Variants in RALGPS1 observed in about 807,000 individuals in gnomAD.
The protein encoded by RALGPS1 is ras-specific guanine nucleotide-releasing factor RalGPS1.
RALGPS1 carries 19 observed loss-of-function variants against 78.8 expected under a neutral mutation model. That is an observed-to-expected ratio of 0.24 (90% CI 0.17 to 0.35). RALGPS1 has a LOEUF of 0.35. Among genes scored for constraint, RALGPS1 ranks in the 10% least tolerant of loss-of-function variants. RALGPS1 has a pLI of 1.00. For synonymous variants in RALGPS1, 228 were observed against 256.3 expected, an observed-to-expected ratio of 0.89 and a Z score of 1.06; for missense variants, 454 against 688.3, an observed-to-expected ratio of 0.66 and a Z score of 3.81.
At chr9:127,165,462 A>G (rs568287418) in intron 8 of RALGPS1, among the ~76,000 whole-genome samples, 13 of 152,332 alleles carry the variant, frequency 8.5e-5, no homozygotes, top group African/African-American at 2.6e-4. Flanking sequence ...TGCAGACTAC[A>G]TGTTACTATT....
At chr9:127,119,493 C>G (rs1229451479) in intron 8 of RALGPS1, among the ~76,000 whole-genome samples, 1 of 152,194 alleles carries the variant, frequency 6.6e-6, no homozygotes, top group Non-Finnish European at 1.5e-5. Context: ...GTTCCAGTCC[C>G]ACATAATCAC....
chr9:126,971,654 C>T (rs1020808309), intron 3 of RALGPS1, among the ~76,000 whole-genome samples: 2 of 152,134 alleles, frequency 1.3e-5, no homozygotes, highest in African/African-American at 4.8e-5. Context: ...CTGAGCCCTT[C>T]CTGAGGAATC....
intron 5 of RALGPS1, among the ~76,000 whole-genome samples, chr9:127,049,000 C>T (rs968916797): frequency 2.6e-5 from 4 of 152,190 alleles, no homozygotes; most frequent in African/African-American, 7.2e-5. Context: ...ATTTCAATAA[C>T]GAGAATACAT....
chr9:127,104,279 C>T (rs956717882), intron 8 of RALGPS1, among the ~76,000 whole-genome samples: 6 of 152,218 alleles, frequency 3.9e-5, no homozygotes, highest in African/African-American at 1.4e-4. Context: ...GTCCTTTCCT[C>T]CCTGATCAGT....
intron 4 of RALGPS1, among the ~76,000 whole-genome samples, chr9:127,026,213 A>G (rs774484401): frequency 4.6e-5 from 7 of 152,206 alleles, no homozygotes; most frequent in Non-Finnish European, 7.3e-5. Flanking sequence ...AGCATCCAGC[A>G]TGGGAGAAAG....
intron 1 of RALGPS1, among the ~76,000 whole-genome samples, chr9:126,941,170 G>GT (rs1554759085): frequency 1.3e-5 from 2 of 151,934 alleles, no homozygotes; most frequent in Admixed American, 1.3e-4. Context: ...TAGTTGTGGG[G>GT]GGGGGTTGTT....
intron 17 of RALGPS1, among the ~76,000 whole-genome samples, chr9:127,214,338 T>TA (rs2062453450): frequency 6.6e-6 from 1 of 152,252 alleles, no homozygotes; most frequent in South Asian, 2.1e-4. Flanking sequence ...AAATGTCACT[T>TA]ATGCTCATCT....
chr9:127,114,841 G>A (rs994519903), intron 8 of RALGPS1, among the ~76,000 whole-genome samples: 1 of 152,228 alleles, frequency 6.6e-6, no homozygotes, highest in African/African-American at 2.4e-5. Context: ...GAGTGAGTCT[G>A]GTGGACCTGA....
chr9:127,108,304 T>C, intron 8 of RALGPS1: 1 of 1,613,886 alleles, frequency 6.2e-7, no homozygotes, highest in Non-Finnish European at 8.5e-7. Context: ...GATGATCTCG[T>C]GCAGGAGCTG....
At chr9:126,995,411 A>G (rs1247971153) in intron 4 of RALGPS1, among the ~76,000 whole-genome samples, 1 of 152,256 alleles carries the variant, frequency 6.6e-6, no homozygotes, top group Non-Finnish European at 1.5e-5. Context: ...CTTTAAACCA[A>G]CAAAGATCAA....
At chr9:126,928,832 C>A (rs1387049605) in intron 1 of RALGPS1, among the ~76,000 whole-genome samples, 4 of 152,140 alleles carry the variant, frequency 2.6e-5, no homozygotes, top group Non-Finnish European at 5.9e-5. Flanking sequence ...AAACTCCTGA[C>A]CTCAGGTGAT....
At chr9:127,086,392 A>AT (rs1361349838) in intron 8 of RALGPS1, among the ~76,000 whole-genome samples, 2 of 152,038 alleles carry the variant, frequency 1.3e-5, no homozygotes, top group Admixed American at 6.5e-5. Flanking sequence ...GGAGATTGAC[A>AT]TTTTTTTCAT....
chr9:127,062,117 A>G (rs567872328), intron 7 of RALGPS1, among the ~76,000 whole-genome samples: 1 of 151,802 alleles, frequency 6.6e-6, no homozygotes, highest in Admixed American at 6.6e-5. Flanking sequence ...TTTTGTTTTG[A>G]GACGGAGTCT....
chr9:126,918,249 C>T (rs898926417), intron 1 of RALGPS1, among the ~76,000 whole-genome samples: 9 of 152,160 alleles, frequency 5.9e-5, no homozygotes, highest in Admixed American at 2.0e-4. Context: ...AATTTTTGTT[C>T]GTAAACATAC....
chr9:127,164,481 T>C (rs1588269199), intron 8 of RALGPS1, among the ~76,000 whole-genome samples: 1 of 150,864 alleles, frequency 6.6e-6, no homozygotes, highest in African/African-American at 2.4e-5. Flanking sequence ...GTGATCTGCC[T>C]GCCTTGGCCT....
intron 8 of RALGPS1, among the ~76,000 whole-genome samples, chr9:127,159,438 C>T (rs900274684): frequency 7.2e-5 from 11 of 152,200 alleles, no homozygotes; most frequent in African/African-American, 2.7e-4. Flanking sequence ...AAGTCATACA[C>T]AAGGCCATGT....
intron 4 of RALGPS1, among the ~76,000 whole-genome samples, chr9:127,001,603 G>A (rs1051651682): frequency 9.2e-5 from 14 of 151,586 alleles, no homozygotes; most frequent in African/African-American, 1.9e-4. Context: ...TGCAATAATC[G>A]GGCTGGGCGC....
chr9:127,157,509 A>G (rs1315077655), intron 8 of RALGPS1, among the ~76,000 whole-genome samples: 2 of 152,024 alleles, frequency 1.3e-5, no homozygotes, highest in Admixed American at 1.3e-4. Context: ...GATTTTAATA[A>G]ATGTTATATA....
At chr9:126,982,848 C>G (rs1043179122) in intron 4 of RALGPS1, among the ~76,000 whole-genome samples, 1 of 116,904 alleles carries the variant, frequency 8.6e-6, no homozygotes. Context: ...TTCCTTCTTT[C>G]TTCCTCCTCC....
Sources: gnomAD v4.1 joint callset for allele counts (sites outside exome capture counted in the v4.1 genomes callset) on GRCh38, gnomAD v4.1.1 for gene constraint, MANE v1.5 for transcripts, NCBI Gene and HGNC (gene_info 2026-07-23, HGNC 2026-07-21) for gene names.